The following ZNF839 variants were observed in gnomAD, a reference collection of about 807,000 sequenced individuals.
ZNF839 encodes the protein renal carcinoma antigen NY-REN-50.
Under a neutral mutation model 56.4 loss-of-function variants are expected in ZNF839, and 38 were observed. The ratio of observed to expected loss-of-function variants is 0.67; its 90% CI spans 0.52 to 0.88. The LOEUF is 0.88. Ranked by LOEUF, ZNF839 falls within the 40% of genes least tolerant of loss-of-function variation. ZNF839 has a pLI of 0.00. For synonymous variants in ZNF839, 486 were observed against 493.5 expected (o/e 0.98, Z 0.20); for missense variants, 1,091 against 1,177.6 (o/e 0.93, Z 1.08).
chr14:102,334,535 A>C lies in ZNF839; in HGVS notation c.1417-19A>C, dbSNP rs758430079. 30 of 1,587,506 alleles carry C rather than the reference A, an allele frequency of 1.9e-5. No individual in the cohort carries two copies. Among genetic ancestry groups the C allele is most frequent in the Non-Finnish European group, 2.4e-5 (28 of 1,161,342 alleles). ...TTCTTACGGGACATTCAAAGGCATG[A>C]AATGCTTTCCCTTGGTAGTTCCTCC... On this transcript the variant is annotated intron_variant, in intron 3 of 7. Transcript: ENST00000442396.
chr14:102,333,871 G>A (rs894312495), intron 3 of ZNF839, among the ~76,000 whole-genome samples: 1 of 152,108 alleles, frequency 6.6e-6, no homozygotes, highest in Non-Finnish European at 1.5e-5. Flanking sequence ...CCTACCCCAG[G>A]CTCAAGCTGG....
Position 102,326,713 on chromosome 14 carries a change from C to G in ZNF839, c.1017C>G (p.Gly339=). Residue 339 remains glycine (G), a synonymous_variant, in exon 2 of 8, where the codon GGC becomes GGG. Coordinates refer to ENST00000442396, the MANE Select transcript of ZNF839 (RefSeq NM_018335.6). The surrounding 1 kb of genome is among the most constrained non-coding windows in gnomAD (Gnocchi z 4.3). ...ARHFKLNPGH[G]QLDPEMVLSE... ...ATTTTAAACTTAACCCAGGCCACGG[C>G]CAGTTGGACCCCGAGATGGTGCTGT... is the stretch of plus-strand genomic sequence containing the variant. 1 of 1,612,854 alleles carries G rather than the reference C, an allele frequency of 6.2e-7. No homozygotes were observed. Among genetic ancestry groups the G allele is most frequent in the Non-Finnish European group, 8.5e-7 (1 of 1,179,500 alleles).
chr14:102,331,891 A>G (rs776954873), intron 3 of ZNF839, 45 bp downstream of exon 3: 10 of 1,466,348 alleles, frequency 6.8e-6, no homozygotes, highest in African/African-American at 1.4e-5. Context: ...TGTCTTTAGC[A>G]TGGATGTGGC....
At chr14:102,324,810 C>T (rs1331114855) in intron 1 of ZNF839, among the ~76,000 whole-genome samples, 4 of 151,454 alleles carry the variant, frequency 2.6e-5, no homozygotes, top group Non-Finnish European at 4.4e-5. Flanking sequence ...TTAGCCGGGG[C>T]GTGGTGGTAC....
upstream of ZNF839, chr14:102,319,521 G>A: frequency 2.6e-6 from 1 of 382,542 alleles, no homozygotes; most frequent in Non-Finnish European, 4.4e-6. The surrounding 1 kb of genome is among the most constrained non-coding windows in gnomAD (Gnocchi z 4.5). Context: ...CAGAGAAGGT[G>A]AGTCTTAAAC....
Position 102,325,278 on chromosome 14 carries a change from A to G in ZNF839, c.289-707A>G, listed in dbSNP as rs562198952. ...TCGCTGAAACTGGGAGGCAGAGGTT[A>G]CAGTGAACTGAGATCGCACCACTGC... On this transcript the variant is annotated intron_variant, in intron 1 of 7. Coordinates refer to ENST00000442396, the MANE Select transcript of ZNF839 (RefSeq NM_018335.6). Among the ~76,000 whole-genome samples, 11 of 151,268 alleles carry G rather than the reference A, an allele frequency of 7.3e-5. No individual in the cohort carries two copies. The South Asian group carries it at 2.3e-3, about 32-fold the overall frequency.
At chr14:102,337,268 A>C (rs1457894098) in intron 5 of ZNF839, 1 of 152,006 alleles carries the variant, frequency 6.6e-6, no homozygotes, top group African/African-American at 2.4e-5. Context: ...TCCTGGGTTC[A>C]AGCGATTCTC....
intron 7 of ZNF839, among the ~76,000 whole-genome samples, chr14:102,340,186 G>T (rs928560920): frequency 4.6e-5 from 7 of 151,654 alleles, no homozygotes; most frequent in African/African-American, 1.7e-4. Flanking sequence ...ATTTTGGTCA[G>T]GCTGGTCTGA....
intron 2 of ZNF839, among the ~76,000 whole-genome samples, chr14:102,330,795 G>A (rs2073741542): frequency 6.6e-6 from 1 of 152,208 alleles, no homozygotes; most frequent in African/African-American, 2.4e-5. Flanking sequence ...TGGGATTACA[G>A]GCATGAGCCA....
At position 102,328,385 on chromosome 14, in the gene ZNF839, T is replaced by A. The variant is rs1352993013; in HGVS notation, c.1191+1498T>A. 7.5e-3 allele frequency among the ~76,000 whole-genome samples: 465 copies of A among 62,052 alleles called. 3 individuals carry two copies. The highest frequency in any genetic ancestry group is 0.025 in the African/African-American group (254 of 10,132). The allele number at this position is 62,052 out of a possible 152,430, so 40.7% of individuals were successfully genotyped here. On this transcript the variant is annotated intron_variant, in intron 2 of 7. Coordinates refer to ENST00000442396, the MANE Select transcript of ZNF839 (RefSeq NM_018335.6). Reference sequence around the variant, plus strand: ...AAAAAAAAAAAAAAAAATATATATATATATATATATATATATATATATATA... The same window carrying A: ...AAAAAAAAAAAAAAAAATATATATAAATATATATATATATATATATATATA...
intron 7 of ZNF839, among the ~76,000 whole-genome samples, 174 bp downstream of exon 7, chr14:102,339,397 T>G (rs76490842): frequency 1.2e-3 from 180 of 152,288 alleles, no homozygotes; most frequent in African/African-American, 4.1e-3. Flanking sequence ...CATTCCAGAT[T>G]CATTCCCTGC....
rs778466360 is a variant in ZNF839 at position 102,341,728 on chromosome 14, T to C, written c.2333T>C (p.Phe778Ser). ...GGACACCTCGGCAAGGTTTGTGACT[T>C]CCACCTGAACCACCAGCAGCCCAGC... Reference protein sequence around the residue: ...EAGHLGKVCDFHLNHQQPSPT... With the variant: ...EAGHLGKVCDSHLNHQQPSPT... The change falls in exon 8 of 8, where the codon TTC becomes TCC. Residue 778 changes from phenylalanine (F) to serine (S), a missense_variant. Physicochemically the swap from Phe to Ser is radical, Grantham distance 155 (BLOSUM62 -2). This residue lies in a region of ZNF839 where 431 missense variants were observed against 468.0 expected (regional missense o/e 0.92). Coordinates refer to ENST00000442396, the MANE Select transcript of ZNF839 (RefSeq NM_018335.6). The C allele has an allele frequency of 6.2e-7, 1 of 1,613,986 alleles. No individual in the cohort carries two copies. Among genetic ancestry groups the C allele is most frequent in the East Asian group, 2.2e-5 (1 of 44,882 alleles).
rs1567288708 is a variant in ZNF839, at chr14:102,328,378, ATATAT to A, written c.1191+1492_1191+1496del. Among the ~76,000 whole-genome samples the A allele has an allele frequency of 1.9e-3, 86 of 45,182 alleles. 1 individual carries two copies. The highest frequency in any genetic ancestry group is 9.1e-3 in the Middle Eastern group (1 of 110). 29.6% of individuals were successfully genotyped at this position (45,182 alleles called of 152,430 possible). On this transcript the variant is annotated intron_variant, in intron 2 of 7. Transcript: ENST00000442396. ...TCAAAAAAAAAAAAAAAAAAAAAAT[ATATAT>A]ATATATATATATATATATATATATA...
intron 5 of ZNF839, among the ~76,000 whole-genome samples, chr14:102,338,290 C>T (rs10137387): frequency 0.045 from 6,916 of 152,214 alleles, 443 homozygotes; most frequent in African/African-American, 0.14. Context: ...GTAATCCCAA[C>T]ACTTTGGGAG....
chr14:102,325,031 G>A (rs1280982833), intron 1 of ZNF839, among the ~76,000 whole-genome samples: 2 of 152,090 alleles, frequency 1.3e-5, no homozygotes, highest in Non-Finnish European at 2.9e-5. Flanking sequence ...CAACTTAGTG[G>A]ATTATGACTA....
At chr14:102,334,404 A>G in intron 3 of ZNF839, 150 bp from the exon 4 acceptor site, 1 of 620,124 alleles carries the variant, frequency 1.6e-6, no homozygotes, top group East Asian at 3.0e-5. Context: ...AACAGGTGAA[A>G]TAGTTAATAA....
intron 2 of ZNF839, 144 bp downstream of exon 2, chr14:102,327,031 C>A: frequency 9.6e-7 from 1 of 1,041,430 alleles, no homozygotes; most frequent in Non-Finnish European, 1.3e-6. Flanking sequence ...GTGCTGGCAT[C>A]TGTTTAGCTT....
intron 5 of ZNF839, among the ~76,000 whole-genome samples, chr14:102,338,295 T>C (rs1225023602): frequency 1.3e-5 from 2 of 152,136 alleles, no homozygotes; most frequent in East Asian, 1.9e-4. Context: ...CCCAACACTT[T>C]GGGAGGCTGA....
intron 1 of ZNF839, among the ~76,000 whole-genome samples, chr14:102,321,790 A>G (rs965836937): frequency 2.6e-5 from 4 of 152,190 alleles, no homozygotes; most frequent in African/African-American, 9.7e-5. Context: ...AAGAAGTGGT[A>G]TCTGAACTAG....
Sources: gnomAD v4.1 joint callset for allele counts (sites outside exome capture counted in the v4.1 genomes callset) on GRCh38, gnomAD v4.1.1 for gene constraint, gnomAD v4.1.1 regional missense constraint, Gnocchi (gnomAD v3.1) non-coding constraint, MANE v1.5 for transcripts, NCBI Gene and HGNC (gene_info 2026-07-23, HGNC 2026-07-21) for gene names.